Variants in USP53 observed in about 807,000 individuals in gnomAD.
USP53 encodes the protein ubiquitin carboxyl-terminal hydrolase 53.
A neutral mutation model predicts 94.9 loss-of-function variants in USP53; 71 were observed. The observed-to-expected ratio is 0.75, with a 90% CI of 0.62 to 0.91. USP53 has a LOEUF of 0.91. USP53 is among the 40% of genes least tolerant of loss of function. USP53 has a pLI of 0.00. For missense variants in USP53, 1,173 were observed against 1,281.0 expected (o/e 0.92, Z 1.29); for synonymous variants, 375 against 422.7 (o/e 0.89, Z 1.39).
chr4:119,237,900 T>C (rs575211802), intron 4 of USP53, among the ~76,000 whole-genome samples: 13 of 152,360 alleles, frequency 8.5e-5, no homozygotes, highest in African/African-American at 3.1e-4. Flanking sequence ...CAACCTCTGC[T>C]AGCTTCCTAC....
At chr4:119,240,226 C>A (rs763015959) in intron 5 of USP53, among the ~76,000 whole-genome samples, 1 of 152,072 alleles carries the variant, frequency 6.6e-6, no homozygotes, top group Non-Finnish European at 1.5e-5. Flanking sequence ...TTTGAAAAAA[C>A]ATCCAGTATA....
intron 17 of USP53, among the ~76,000 whole-genome samples, chr4:119,288,500 C>A (rs925424213): frequency 6.6e-6 from 1 of 152,192 alleles, no homozygotes; most frequent in Non-Finnish European, 1.5e-5. Context: ...GTAGTAGTTT[C>A]TTTAATGCAG....
intron 12 of USP53, among the ~76,000 whole-genome samples, chr4:119,262,472 C>T (rs1441677918): frequency 1.3e-5 from 2 of 151,762 alleles, no homozygotes. Flanking sequence ...TCAATTAACA[C>T]ATATTCTGTA....
chr4:119,270,189 G>A (rs1751675187), intron 15 of USP53, among the ~76,000 whole-genome samples: 1 of 151,276 alleles, frequency 6.6e-6, no homozygotes, highest in African/African-American at 2.4e-5. Context: ...TGAACTCCTG[G>A]GTTCAAGCTC....
intron 12 of USP53, among the ~76,000 whole-genome samples, chr4:119,266,927 T>C (rs1469034974): frequency 1.3e-5 from 2 of 152,204 alleles, no homozygotes; most frequent in African/African-American, 4.8e-5. Flanking sequence ...TGTTGTTTTA[T>C]ATGAAGTCAG....
intron 17 of USP53, among the ~76,000 whole-genome samples, chr4:119,283,395 T>A (rs17050457): frequency 6.6e-6 from 1 of 151,870 alleles, no homozygotes; most frequent in Non-Finnish European, 1.5e-5. Flanking sequence ...ATTTGTGCTA[T>A]TTTTTAATCA....
intron 5 of USP53, among the ~76,000 whole-genome samples, chr4:119,243,529 G>A (rs527440468): frequency 6.6e-6 from 1 of 152,140 alleles, no homozygotes; most frequent in South Asian, 2.1e-4. Flanking sequence ...AAATAAAATG[G>A]ATGAAGATTA....
rs1743394866 is a variant in USP53, at chr4:119,214,319, G to A, written c.-789+97G>A. Reference sequence around the variant, plus strand: ...TCCTTGATACAATTTGTGCAGGTTCGTGTTTACTGGTGATAAACCATGAAA... The same window carrying A: ...TCCTTGATACAATTTGTGCAGGTTCATGTTTACTGGTGATAAACCATGAAA... On this transcript the variant is annotated intron_variant, in intron 2 of 18. Transcript: ENST00000692078. 2.6e-5 allele frequency: 4 copies of A among 152,072 alleles called. No homozygotes were observed. In the South Asian group the frequency reaches 6.2e-4, roughly 24 times the overall value. 9.4% of individuals were successfully genotyped at this position (152,072 alleles called of 1,614,324 possible). A position where few individuals can be genotyped will look rare whatever the true frequency, so the allele number is the denominator to read the frequency against.
chr4:119,260,351 T>A (rs1162016541), intron 10 of USP53, among the ~76,000 whole-genome samples, 156 bp from the exon 11 acceptor site: 1 of 142,910 alleles, frequency 7.0e-6, no homozygotes, highest in Non-Finnish European at 1.5e-5. Flanking sequence ...TCTTTTTTAA[T>A]CAATAATTAA....
chr4:119,283,935 A>G (rs950819727), intron 17 of USP53, among the ~76,000 whole-genome samples: 3 of 151,916 alleles, frequency 2.0e-5, no homozygotes, highest in Non-Finnish European at 4.4e-5. Context: ...TTGGAGATCG[A>G]AGGGCAAGAA....
At chr4:119,279,314 C>G (rs1645554616) in intron 17 of USP53, among the ~76,000 whole-genome samples, 1 of 144,986 alleles carries the variant, frequency 6.9e-6, no homozygotes, top group South Asian at 2.3e-4. Flanking sequence ...AGTTTTCCTT[C>G]TAACAGACAG....
intron 17 of USP53, among the ~76,000 whole-genome samples, chr4:119,282,454 C>A (rs1452612141): frequency 1.3e-5 from 2 of 152,096 alleles, no homozygotes; most frequent in Non-Finnish European, 2.9e-5. Flanking sequence ...GGACTCCAGT[C>A]TCTCCATATC....
intron 7 of USP53, among the ~76,000 whole-genome samples, chr4:119,253,917 T>C (rs1393274543): frequency 1.3e-5 from 2 of 152,220 alleles, no homozygotes; most frequent in Non-Finnish European, 2.9e-5. Flanking sequence ...GGCCTGGTGG[T>C]GACAAAGTAT....
chr4:119,239,616 G>A lies in USP53; in HGVS notation c.-144G>A. The A allele has an allele frequency of 1.0e-6, 1 of 955,494 alleles. No individual in the cohort carries two copies. The highest frequency in any genetic ancestry group is 1.5e-6 in the Non-Finnish European group (1 of 674,816). The allele number at this position is 955,494 out of a possible 1,614,324, so 59.2% of individuals were successfully genotyped here. On this transcript the variant is annotated 5_prime_UTR_variant, in exon 5 of 19. Coordinates refer to ENST00000692078, the MANE Select transcript of USP53 (RefSeq NM_001371395.1). The stretch of plus-strand genomic sequence containing the variant: ...AGTCTTTAAGAGTTTATAACATCAG[G>A]AAAGATATGGACTTGGAAACTTACA...
At position 119,271,785 on chromosome 4, in the gene USP53, A is replaced by G. The variant is rs1039166557; in HGVS notation, c.1925A>G (p.Tyr642Cys). 6.2e-7 allele frequency: 1 copy of G among 1,612,950 alleles called. No individual in the cohort carries two copies. ...NPKQKGLMTI[Y>C]EDEMKQEIGS... The stretch of plus-strand genomic sequence containing the variant: ...AAGCAAAAAGGTTTAATGACCATAT[A>G]TGAAGATGAAATGAAGCAGGAAATA... Residue 642 changes from tyrosine to cysteine, a missense_variant, in exon 16 of 19, where the codon TAT (tyrosine) becomes TGT (cysteine). By Grantham distance (194) the Tyr-to-Cys change is radical. Coordinates refer to ENST00000692078, the MANE Select transcript of USP53 (RefSeq NM_001371395.1).
At chr4:119,252,413 C>A (rs1578480223) in intron 7 of USP53, among the ~76,000 whole-genome samples, 1 of 152,076 alleles carries the variant, frequency 6.6e-6, no homozygotes, top group East Asian at 1.9e-4. Context: ...ATTTCAGAAC[C>A]TGTTATTGGT....
chr4:119,229,376 T>C (rs1267953437), intron 3 of USP53, among the ~76,000 whole-genome samples: 1 of 152,156 alleles, frequency 6.6e-6, no homozygotes. Context: ...GACTTGAAAA[T>C]CCATTATGTC....
chr4:119,238,912 C>T (rs1747157491), intron 4 of USP53, among the ~76,000 whole-genome samples: 1 of 151,948 alleles, frequency 6.6e-6, no homozygotes, highest in South Asian at 2.1e-4. Flanking sequence ...TATTCTAGAG[C>T]AATTTAGTGT....
intron 3 of USP53, among the ~76,000 whole-genome samples, chr4:119,229,001 A>C (rs4833613): frequency 0.57 from 86,311 of 152,016 alleles, 24,890 homozygotes; most frequent in African/African-American, 0.65. Flanking sequence ...GGCTGTTCCT[A>C]TAGACCTTCT....
Sources: gnomAD v4.1 joint callset for allele counts (sites outside exome capture counted in the v4.1 genomes callset) on GRCh38, gnomAD v4.1.1 for gene constraint, MANE v1.5 for transcripts, NCBI Gene and HGNC (gene_info 2026-07-23, HGNC 2026-07-21) for gene names.